SNX29: variants seen among roughly 807,000 people sequenced by gnomAD.
SNX29 encodes the protein sorting nexin-29.
Under a neutral mutation model 102.1 loss-of-function variants are expected in SNX29, and 78 were observed. The observed-to-expected ratio is 0.76, with a 90% CI of 0.64 to 0.92. The LOEUF (loss-of-function observed/expected upper bound fraction) is 0.92. Ranked by LOEUF, SNX29 falls within the 40% of genes least tolerant of loss-of-function variation. The probability of loss-of-function intolerance (pLI) is 0.00; values close to 1 mark genes in which losing one functional copy is unlikely to be tolerated. For synonymous variants in SNX29, 580 were observed against 414.5 expected (o/e 1.40, Z -4.85); for missense variants, 1,280 against 1,061.7 (o/e 1.21, Z -2.86).
At chr16:12,544,732 G>A (rs543998838) in intron 20 of SNX29, among the ~76,000 whole-genome samples, 186 of 152,208 alleles carry the variant, frequency 1.2e-3, no homozygotes, top group Non-Finnish European at 2.1e-3. Flanking sequence ...GGGAAACCTC[G>A]GCCCAGAGAG....
intron 14 of SNX29, among the ~76,000 whole-genome samples, chr16:12,231,579 C>T (rs570752374): frequency 6.6e-6 from 1 of 152,138 alleles, no homozygotes; most frequent in South Asian, 2.1e-4. Context: ...TTTTACTATA[C>T]TGTAAAATGC....
chr16:12,171,577 G>C (rs1051661912), intron 13 of SNX29, among the ~76,000 whole-genome samples: 3 of 152,224 alleles, frequency 2.0e-5, no homozygotes, highest in African/African-American at 7.2e-5. Context: ...TTACAGTGGA[G>C]AGGCTGGTTC....
At chr16:12,430,206 C>A (rs567257206) in intron 18 of SNX29, among the ~76,000 whole-genome samples, 8 of 152,346 alleles carry the variant, frequency 5.3e-5, no homozygotes, top group South Asian at 2.1e-4. Context: ...GTTCCCCCCC[C>A]AGCCCCAGTC....
intron 20 of SNX29, among the ~76,000 whole-genome samples, chr16:12,567,822 G>A (rs1006134559): frequency 4.6e-5 from 7 of 152,116 alleles, no homozygotes; most frequent in Non-Finnish European, 8.8e-5. Context: ...AGCACCCTCT[G>A]CTCTCACGGT....
At chr16:12,181,918 CTG>C (rs1391655066) in intron 13 of SNX29, among the ~76,000 whole-genome samples, 4 of 150,356 alleles carry the variant, frequency 2.7e-5, no homozygotes, top group Admixed American at 2.0e-4. Context: ...GAGTCTCACT[CTG>C]TCACGCAGGC....
intron 18 of SNX29, among the ~76,000 whole-genome samples, chr16:12,459,626 G>A (rs139746379): frequency 5.9e-4 from 90 of 152,318 alleles, no homozygotes; most frequent in African/African-American, 1.7e-3. Flanking sequence ...TGGAGGGAGT[G>A]TCATATCTAG....
chr16:12,080,207 A>G lies in SNX29; in HGVS notation c.1402+1292A>G, dbSNP rs368698425. ...GTCCCCCTTGGCTGCAGAGGGGGCA[A>G]TTGTTCTTGATAAAAAGGAAATTAG... is the stretch of plus-strand genomic sequence containing the variant. On this transcript the variant is annotated intron_variant, in intron 11 of 20. Coordinates refer to ENST00000566228, the MANE Select transcript of SNX29 (RefSeq NM_032167.5). 9.2e-5 allele frequency among the ~76,000 whole-genome samples: 14 copies of G among 152,174 alleles called. No homozygotes were observed. The East Asian group carries it at 1.7e-3, about 19-fold the overall frequency.
chr16:12,307,620 A>G (rs188892382), intron 15 of SNX29, among the ~76,000 whole-genome samples: 99 of 152,352 alleles, frequency 6.5e-4, no homozygotes, highest in Admixed American at 1.3e-3. Context: ...AGAAGTTGTC[A>G]GCAGTAGAAT....
intron 18 of SNX29, among the ~76,000 whole-genome samples, chr16:12,456,220 C>G (rs1567581846): frequency 1.3e-5 from 2 of 152,118 alleles, no homozygotes; most frequent in East Asian, 3.9e-4. Flanking sequence ...TTAAAATGTG[C>G]AGAGCTTACG....
intron 20 of SNX29, chr16:12,527,457 T>C (rs1214796504): frequency 2.3e-6 from 1 of 428,240 alleles, no homozygotes; most frequent in African/African-American, 2.0e-5. Context: ...TTCTTTCAAA[T>C]GTTGATTTAG....
intron 15 of SNX29, among the ~76,000 whole-genome samples, chr16:12,318,925 C>G (rs1292081814): frequency 6.6e-6 from 1 of 152,124 alleles, no homozygotes; most frequent in East Asian, 1.9e-4. Context: ...TTTACTTAAT[C>G]TAAATGGGTC....
intron 14 of SNX29, among the ~76,000 whole-genome samples, chr16:12,213,480 A>G (rs2077241069): frequency 8.0e-6 from 1 of 124,572 alleles, no homozygotes; most frequent in African/African-American, 2.5e-5. Context: ...GTTGAAATAA[A>G]GGAAAAAAAT....
At chr16:12,357,568 C>G (rs1421490180) in intron 16 of SNX29, among the ~76,000 whole-genome samples, 1 of 152,132 alleles carries the variant, frequency 6.6e-6, no homozygotes, top group East Asian at 1.9e-4. Context: ...ACCATTTTAA[C>G]CATCGTTAAG....
intron 14 of SNX29, among the ~76,000 whole-genome samples, chr16:12,225,766 C>T (rs1326144159): frequency 6.6e-6 from 1 of 152,146 alleles, no homozygotes; most frequent in African/African-American, 2.4e-5. Flanking sequence ...CAGATCTCAG[C>T]AAAGCCCAAA....
intron 14 of SNX29, among the ~76,000 whole-genome samples, chr16:12,271,034 C>T (rs559120507): frequency 2.0e-5 from 3 of 152,200 alleles, no homozygotes; most frequent in Non-Finnish European, 2.9e-5. Flanking sequence ...CAGAACGAGA[C>T]TCTCAAAAAA....
intron 3 of SNX29, among the ~76,000 whole-genome samples, chr16:12,021,649 G>T (rs1314421421): frequency 6.6e-6 from 1 of 151,980 alleles, no homozygotes; most frequent in Non-Finnish European, 1.5e-5. Flanking sequence ...GCACTTTGGG[G>T]GGCCAAGGTA....
At chr16:12,314,955 A>G (rs1302807841) in intron 15 of SNX29, among the ~76,000 whole-genome samples, 1 of 152,238 alleles carries the variant, frequency 6.6e-6, no homozygotes, top group African/African-American at 2.4e-5. Context: ...CTGAATTATT[A>G]ATGGATGTGG....
chr16:12,523,408 C>T (rs542948437), intron 19 of SNX29, among the ~76,000 whole-genome samples: 13 of 152,210 alleles, frequency 8.5e-5, no homozygotes, highest in Non-Finnish European at 1.8e-4. Context: ...GTTTCTTCAC[C>T]TTGCTTGGTC....
At chr16:12,553,334 G>A (rs1328281787) in intron 20 of SNX29, among the ~76,000 whole-genome samples, 4 of 152,180 alleles carry the variant, frequency 2.6e-5, no homozygotes, top group Admixed American at 6.5e-5. Flanking sequence ...AACAAGGCAG[G>A]CAGAGAAACC....
Sources: gnomAD v4.1 joint callset for allele counts (sites outside exome capture counted in the v4.1 genomes callset) on GRCh38, gnomAD v4.1.1 for gene constraint, MANE v1.5 for transcripts, NCBI Gene and HGNC (gene_info 2026-07-23, HGNC 2026-07-21) for gene names.